The following MTR variants were observed in gnomAD, a reference collection of about 807,000 sequenced individuals.
MTR encodes the protein 5-methyltetrahydrofolate-homocysteine methyltransferase, also known as methionine synthase.
MTR carries 84 observed loss-of-function variants against 154.8 expected under a neutral mutation model. The ratio of observed to expected loss-of-function variants is 0.54; its 90% CI spans 0.45 to 0.65. MTR has a LOEUF of 0.65. MTR is among the 30% of genes least tolerant of loss of function. The pLI is 0.00. For synonymous variants in MTR, 554 were observed against 553.9 expected, an observed-to-expected ratio of 1.00 and a Z score of 0.00; for missense variants, 1,275 against 1,570.2, an observed-to-expected ratio of 0.81 and a Z score of 3.18.
At chr1:236,819,544 A>G (rs1181833496) in intron 8 of MTR, 2 of 347,416 alleles carry the variant, frequency 5.8e-6, no homozygotes, top group East Asian at 6.6e-5. Flanking sequence ...GCAATTACAA[A>G]TAAATCTCCC....
Position 236,890,105 on chromosome 1 carries a change from G to T in MTR, c.3007+769G>T, listed in dbSNP as rs566432165. ...AGACTCACAGAAGCATGGGATTAGGGCTGAGAGGAGCCTAGAAACCAGCCT... is the reference window on the plus strand; with the variant it reads ...AGACTCACAGAAGCATGGGATTAGGTCTGAGAGGAGCCTAGAAACCAGCCT... On this transcript the variant is annotated intron_variant, in intron 28 of 32. Coordinates refer to ENST00000366577, the MANE Select transcript of MTR (RefSeq NM_000254.3). Among the ~76,000 whole-genome samples the T allele has an allele frequency of 2.6e-5, 4 of 152,284 alleles. No homozygotes were observed. The East Asian group carries it at 5.8e-4, about 22-fold the overall frequency.
At chr1:236,827,850 G>C (rs946292491) in intron 11 of MTR, among the ~76,000 whole-genome samples, 9 of 152,148 alleles carry the variant, frequency 5.9e-5, no homozygotes, top group Admixed American at 4.6e-4. Flanking sequence ...AGTGACTGAT[G>C]ATCATATTTC....
intron 13 of MTR, among the ~76,000 whole-genome samples, chr1:236,834,358 T>G (rs1662781697): frequency 6.6e-6 from 1 of 152,134 alleles, no homozygotes; most frequent in Non-Finnish European, 1.5e-5. Context: ...TTTTGTATTT[T>G]TAGTAGAGAT....
intron 9 of MTR, 28 bp from the exon 10 acceptor site, chr1:236,825,310 C>G: frequency 1.9e-6 from 3 of 1,574,204 alleles, no homozygotes; most frequent in Non-Finnish European, 2.6e-6. Context: ...AGGCAATTTG[C>G]AATAATGGTT....
At chr1:236,817,296 C>A (rs1661650076) in intron 8 of MTR, among the ~76,000 whole-genome samples, 1 of 151,832 alleles carries the variant, frequency 6.6e-6, no homozygotes, top group East Asian at 1.9e-4. Flanking sequence ...GGTCCCCTTC[C>A]CCCTTTCCCC....
intron 1 of MTR, among the ~76,000 whole-genome samples, chr1:236,799,598 CTA>C (rs1204896717): frequency 2.0e-5 from 3 of 152,042 alleles, no homozygotes; most frequent in Non-Finnish European, 4.4e-5. Flanking sequence ...GTTGTAAACT[CTA>C]GTCTATAGGT....
intron 1 of MTR, 147 bp downstream of exon 1, chr1:236,795,884 A>G (rs998034167): frequency 1.1e-5 from 13 of 1,211,348 alleles, no homozygotes; most frequent in Middle Eastern, 2.7e-4. Context: ...AACTTAGCGC[A>G]GGAGCCCGGA....
chr1:236,796,089 G>T, intron 1 of MTR, among the ~76,000 whole-genome samples: 1 of 151,808 alleles, frequency 6.6e-6, no homozygotes. Context: ...ATGGTGTGAC[G>T]CTTATTCGTA....
At chr1:236,870,213 A>G (rs1471557918) in intron 22 of MTR, among the ~76,000 whole-genome samples, 1 of 152,132 alleles carries the variant, frequency 6.6e-6, no homozygotes, top group Non-Finnish European at 1.5e-5. Flanking sequence ...ACATTTGACT[A>G]TTTCCCCAGC....
At position 236,850,550 on chromosome 1, in the gene MTR, G is replaced by A. The variant is rs915795455; in HGVS notation, c.1695+27G>A. On this transcript the variant is annotated intron_variant, in intron 16 of 32. Transcript: ENST00000366577. ...TAAGTGTAGGCATGTTCTCTCCCAA[G>A]TCATGGCTCAAATTTGTCCCATGGG... 5.0e-6 allele frequency: 8 copies of A among 1,605,366 alleles called. No homozygotes were observed. The African/African-American group carries it at 9.4e-5, about 19-fold the overall frequency.
At chr1:236,822,312 G>GTGT (rs1553313623) in intron 8 of MTR, among the ~76,000 whole-genome samples, 1 of 124,938 alleles carries the variant, frequency 8.0e-6, no homozygotes, top group Non-Finnish European at 1.6e-5. Context: ...GGTTTTTTTT[G>GTGT]TTTTTTTTTT....
At position 236,826,897 on chromosome 1, in the gene MTR, G is replaced by T; in HGVS notation, c.995+1G>T. 6.2e-7 allele frequency: 1 copy of T among 1,612,822 alleles called. No homozygotes were observed. Among genetic ancestry groups the T allele is most frequent in the Non-Finnish European group, 8.5e-7 (1 of 1,178,896 alleles). Reference sequence around the variant, plus strand: ...GTGGGTCAACACCAGATCATATCAGGTAATAATCACCTATAGACAATATAT... The same window carrying T: ...GTGGGTCAACACCAGATCATATCAGTTAATAATCACCTATAGACAATATAT... On this transcript the variant is annotated splice_donor_variant, in intron 11 of 32. Transcript: ENST00000366577. LOFTEE classifies it high-confidence loss of function.
At chr1:236,888,739 A>G in intron 27 of MTR, among the ~76,000 whole-genome samples, 1 of 152,176 alleles carries the variant, frequency 6.6e-6, no homozygotes, top group Admixed American at 6.5e-5. Flanking sequence ...CTATACTTTG[A>G]GCATATGTGT....
At chr1:236,860,020 A>G in intron 19 of MTR, 98 bp downstream of exon 19, 1 of 927,154 alleles carries the variant, frequency 1.1e-6, no homozygotes, top group Non-Finnish European at 1.7e-6. Flanking sequence ...GGAGATGCCT[A>G]GACCACTGAT....
intron 32 of MTR, among the ~76,000 whole-genome samples, 196 bp downstream of exon 32, chr1:236,897,314 A>ACGCG (rs1389522645): frequency 3.6e-4 from 29 of 80,912 alleles, no homozygotes; most frequent in African/African-American, 1.0e-3. Flanking sequence ...ACACACGCAC[A>ACGCG]CACACACACA....
In MTR at chr1:236,840,404, G is replaced by A. The variant is rs557915245; in HGVS notation, c.1515+1805G>A. 2.6e-5 allele frequency among the ~76,000 whole-genome samples: 4 copies of A among 152,328 alleles called. No homozygotes were observed. The East Asian group carries it at 5.8e-4, about 22-fold the overall frequency. On this transcript the variant is annotated intron_variant, in intron 15 of 32. Coordinates refer to ENST00000366577, the MANE Select transcript of MTR (RefSeq NM_000254.3). ...GTTGTCACACAGCTAACAGTTTGCA[G>A]TGCTGGGATTCAGGCCTAGGAGATC...
intron 27 of MTR, 145 bp downstream of exon 27, chr1:236,886,512 G>A: frequency 1.3e-6 from 1 of 744,982 alleles, no homozygotes. Context: ...ACTGATGACT[G>A]GAAAGAAAGG....
At chr1:236,877,570 G>A (rs1239488466) in intron 24 of MTR, among the ~76,000 whole-genome samples, 1 of 151,940 alleles carries the variant, frequency 6.6e-6, no homozygotes, top group African/African-American at 2.4e-5. Flanking sequence ...TAGTTGTTTG[G>A]TTTTTTGTTG....
rs1553331097 is a variant in MTR, at chr1:236,897,312, A to ATGCGCGCGCGCGCACGCGCGCG, written c.3711+194_3711+195insTGCGCGCGCGCGCACGCGCGCG. On this transcript the variant is annotated intron_variant, in intron 32 of 32. Coordinates refer to ENST00000366577, the MANE Select transcript of MTR (RefSeq NM_000254.3). ...TTCTACATGCAAGCCACACACACGC[A>ATGCGCGCGCGCGCACGCGCGCG]CACACACACACACACACACACACAC... Among the ~76,000 whole-genome samples, 615 of 66,170 alleles carry ATGCGCGCGCGCGCACGCGCGCG rather than the reference A, an allele frequency of 9.3e-3. 7 individuals carry two copies. Among genetic ancestry groups the ATGCGCGCGCGCGCACGCGCGCG allele is most frequent in the African/African-American group, 0.03 (584 of 19,582 alleles). The allele number at this position is 66,170 out of a possible 152,430, so 43.4% of individuals were successfully genotyped here.
Sources: gnomAD v4.1 joint callset for allele counts (sites outside exome capture counted in the v4.1 genomes callset) on GRCh38, gnomAD v4.1.1 for gene constraint, MANE v1.5 for transcripts, NCBI Gene and HGNC (gene_info 2026-07-23, HGNC 2026-07-21) for gene names.